Variants in FAM135B observed in about 807,000 individuals in gnomAD.
FAM135B encodes the protein family with sequence similarity 135 member B, also known as protein FAM135B.
A neutral mutation model predicts 127.7 loss-of-function variants in FAM135B; 43 were observed. The ratio of observed to expected loss-of-function variants is 0.34; its 90% CI spans 0.26 to 0.43. FAM135B has a LOEUF of 0.43. Among genes scored for constraint, FAM135B ranks in the 20% least tolerant of loss-of-function variants. The probability of loss-of-function intolerance (pLI) is 1.00; values close to 1 mark genes in which losing one functional copy is unlikely to be tolerated. For synonymous variants in FAM135B, 670 were observed against 665.1 expected (o/e 1.01, Z -0.11); for missense variants, 1,558 against 1,725.6 (o/e 0.90, Z 1.72).
At chr8:138,176,487 T>A (rs1005127014) in intron 11 of FAM135B, among the ~76,000 whole-genome samples, 1 of 152,230 alleles carries the variant, frequency 6.6e-6, no homozygotes, top group Non-Finnish European at 1.5e-5. Context: ...CCTAGACTTG[T>A]CATTTCAACA....
intron 2 of FAM135B, among the ~76,000 whole-genome samples, chr8:138,360,332 G>A (rs1830342897): frequency 6.6e-6 from 1 of 152,208 alleles, no homozygotes; most frequent in African/African-American, 2.4e-5. Flanking sequence ...TATGTAATGA[G>A]TTTTATAATT....
chr8:138,200,289 T>G (rs1817005930), intron 7 of FAM135B, among the ~76,000 whole-genome samples: 1 of 152,246 alleles, frequency 6.6e-6, no homozygotes, highest in Non-Finnish European at 1.5e-5. Flanking sequence ...GCCCTGTCTG[T>G]GCTCACCAGG....
At position 138,152,969 on chromosome 8, in the gene FAM135B, T is replaced by C. The variant is rs1020180111; in HGVS notation, c.1506A>G (p.Ile502Met). The change falls in exon 13 of 20, where the codon ATA becomes ATG. Residue 502 changes from isoleucine to methionine, a missense_variant. Ile to Met is a conservative substitution (Grantham distance 10). This residue lies in a region of FAM135B where 923 missense variants were observed against 865.3 expected (regional missense o/e 1.07). Coordinates refer to ENST00000395297, the MANE Select transcript of FAM135B (RefSeq NM_015912.4). Reference sequence around the variant, plus strand: ...CTTTGTTTTGAAATTCACCAATTGATATATACACCTGAGATTCAGAGCACA... The same window carrying C: ...CTTTGTTTTGAAATTCACCAATTGACATATACACCTGAGATTCAGAGCACA... ...MDMCSESQVYISIGEFQNKAG... is the reference protein window; with the variant it reads ...MDMCSESQVYMSIGEFQNKAG... 7 of 1,614,104 alleles carry C rather than the reference T, an allele frequency of 4.3e-6. No homozygotes were observed. In the East Asian group the frequency reaches 1.6e-4, roughly 36 times the overall value.
rs1423674843 is a variant in FAM135B, at chr8:138,243,354, C to A, written c.543-286G>T. Among the ~76,000 whole-genome samples the A allele has an allele frequency of 6.6e-6, 1 of 152,196 alleles. No individual in the cohort carries two copies. The highest frequency in any genetic ancestry group is 2.4e-5 in the African/African-American group (1 of 41,458). On this transcript the variant is annotated intron_variant, in intron 6 of 19. Coordinates refer to ENST00000395297, the MANE Select transcript of FAM135B (RefSeq NM_015912.4). The surrounding 1 kb of genome is among the most constrained non-coding windows in gnomAD (Gnocchi z 7.5). ...AACATACCTGTAAGAAACACTGAAG[C>A]AGAGCTCCAAGCTTATATCACTAGA...
chr8:138,177,229 T>G, intron 11 of FAM135B, 118 bp downstream of exon 11: 2 of 876,240 alleles, frequency 2.3e-6, no homozygotes, highest in Non-Finnish European at 3.5e-6. Context: ...AGACAGAAAG[T>G]GCAGAGGTGG....
intron 1 of FAM135B, among the ~76,000 whole-genome samples, chr8:138,426,018 C>G (rs28491740): frequency 2.9e-5 from 3 of 102,006 alleles, no homozygotes; most frequent in South Asian, 8.1e-4. Flanking sequence ...TATATACACA[C>G]ACATACATAT....
chr8:138,136,978 G>A (rs1441731580), intron 19 of FAM135B, among the ~76,000 whole-genome samples, 169 bp downstream of exon 19: 2 of 152,134 alleles, frequency 1.3e-5, no homozygotes, highest in Non-Finnish European at 2.9e-5. Flanking sequence ...ACAAAGGAAG[G>A]ATCTGGCACA....
chr8:138,148,360 A>G (rs1021684639), intron 14 of FAM135B, among the ~76,000 whole-genome samples, 160 bp downstream of exon 14: 4 of 152,200 alleles, frequency 2.6e-5, no homozygotes, highest in Non-Finnish European at 4.4e-5. Context: ...TTTCTTCAAC[A>G]GCAAGCCATA....
intron 12 of FAM135B, among the ~76,000 whole-genome samples, chr8:138,160,033 A>AGAT (rs1397963976): frequency 6.6e-6 from 1 of 150,996 alleles, no homozygotes; most frequent in Non-Finnish European, 1.5e-5. Context: ...AGTGGCCTGG[A>AGAT]GATTGATTTT....
At chr8:138,402,500 T>C (rs556898742) in intron 1 of FAM135B, among the ~76,000 whole-genome samples, 42 of 152,186 alleles carry the variant, frequency 2.8e-4, no homozygotes, top group Non-Finnish European at 5.4e-4. Flanking sequence ...ATAACCATTA[T>C]AAACAACATA....
At chr8:138,307,368 TTTA>T (rs1447344166) in intron 3 of FAM135B, among the ~76,000 whole-genome samples, 2 of 152,164 alleles carry the variant, frequency 1.3e-5, no homozygotes, top group African/African-American at 4.8e-5. Context: ...AATTAAACCT[TTTA>T]TTATGTAAAT....
intron 1 of FAM135B, among the ~76,000 whole-genome samples, chr8:138,460,872 C>T (rs150347713): frequency 5.3e-4 from 81 of 152,246 alleles, no homozygotes; most frequent in South Asian, 3.5e-3. Context: ...AGAATAACTC[C>T]ACCCTGAACC....
At position 138,242,943 on chromosome 8, in the gene FAM135B, T is replaced by C. The variant is rs2130381455; in HGVS notation, c.668A>G (p.Glu223Gly). Residue 223 changes from glutamate (E) to glycine (G), a missense_variant and splice_region_variant, in exon 7 of 20, where the codon GAG (glutamate) becomes GGG (glycine). Around this residue, in one of 5 missense-constraint regions of FAM135B, gnomAD observed 127 missense variants for 109.7 expected, o/e 1.16. Transcript: ENST00000395297. This position sits in a 1 kb window ranked among gnomAD's most constrained non-coding sequence, Gnocchi z 9.6. Reference protein sequence around the residue: ...GAGYCKPTSSEGSFYITSENC... With the variant: ...GAGYCKPTSSGGSFYITSENC... ...GCAACTGCCCCACACAGGCCTTACC[T>C]CTGAGGAAGTCGGCTTGCAGTACCC... The C allele has an allele frequency of 6.2e-7, 1 of 1,613,424 alleles. No homozygotes were observed. The highest frequency in any genetic ancestry group is 8.5e-7 in the Non-Finnish European group (1 of 1,179,682).
chr8:138,242,192 TG>T lies in FAM135B; in HGVS notation c.669+749del. ...GTGTGTGTGTGTGTGTGTGTGTGTG[TG>T]TGTGTGTGTGTGTGTGTGTGTGTGT... On this transcript the variant is annotated intron_variant, in intron 7 of 19. Transcript: ENST00000395297. The surrounding 1 kb of genome is among the most constrained non-coding windows in gnomAD (Gnocchi z 9.6). Among the ~76,000 whole-genome samples, 1 of 149,502 alleles carries T rather than the reference TG, an allele frequency of 6.7e-6. No homozygotes were observed. The highest frequency in any genetic ancestry group is 1.9e-4 in the East Asian group (1 of 5,134).
chr8:138,332,582 T>A (rs530796888), intron 2 of FAM135B, among the ~76,000 whole-genome samples: 3 of 151,912 alleles, frequency 2.0e-5, no homozygotes, highest in African/African-American at 7.2e-5. Context: ...CCATCTCACC[T>A]CCATTCAAGC....
chr8:138,171,072 C>T (rs1270947402), intron 11 of FAM135B, among the ~76,000 whole-genome samples: 1 of 152,172 alleles, frequency 6.6e-6, no homozygotes, highest in East Asian at 1.9e-4. Flanking sequence ...CCAACCTGGC[C>T]TGAGCCACGC....
chr8:138,383,998 T>C lies in FAM135B; in HGVS notation c.-19-15996A>G, dbSNP rs142709338. 5.3e-3 allele frequency among the ~76,000 whole-genome samples: 812 copies of C among 152,290 alleles called. 6 individuals carry two copies. The highest frequency in any genetic ancestry group is 0.019 in the African/African-American group (788 of 41,556). On this transcript the variant is annotated intron_variant, in intron 1 of 19. Transcript: ENST00000395297. ...TTCCCATGCTCCAAGTTCATCCTGT[T>C]CTCCCCTGTTTTGGAATGTCCATCT... is the stretch of plus-strand genomic sequence containing the variant.
Position 138,132,110 on chromosome 8 carries a change from C to T in FAM135B, c.*483G>A, listed in dbSNP as rs907231973. 1 of 156,372 alleles carries T rather than the reference C, an allele frequency of 6.4e-6. No homozygotes were observed. Among genetic ancestry groups the T allele is most frequent in the Non-Finnish European group, 1.4e-5 (1 of 70,578 alleles). 9.7% of individuals were successfully genotyped at this position (156,372 alleles called of 1,614,324 possible). ...ATCACATTTTCTTGAACAACTGACACATTTGAATCTATTGAGGATTCTATT... is the reference window on the plus strand; with the variant it reads ...ATCACATTTTCTTGAACAACTGACATATTTGAATCTATTGAGGATTCTATT... On this transcript the variant is annotated 3_prime_UTR_variant, in exon 20 of 20. Coordinates refer to ENST00000395297, the MANE Select transcript of FAM135B (RefSeq NM_015912.4). This position sits in a 1 kb window ranked among gnomAD's most constrained non-coding sequence, Gnocchi z 4.5.
intron 1 of FAM135B, among the ~76,000 whole-genome samples, chr8:138,469,874 T>C (rs938507195): frequency 6.6e-6 from 1 of 152,072 alleles, no homozygotes; most frequent in Admixed American, 6.6e-5. Context: ...ATTGGGAAAA[T>C]ATAATAATAA....
Sources: allele counts gnomAD v4.1 joint callset (sites outside exome capture counted in the v4.1 genomes callset), GRCh38; gene constraint gnomAD v4.1.1; regional missense constraint gnomAD v4.1.1; non-coding constraint Gnocchi (gnomAD v3.1); transcripts MANE v1.5; gene names NCBI Gene and HGNC (gene_info 2026-07-23, HGNC 2026-07-21).